The following MAP2K5 variants were observed in gnomAD, a reference collection of about 807,000 sequenced individuals.
The protein encoded by MAP2K5 is mitogen-activated protein kinase kinase 5.
In MAP2K5, 49 loss-of-function variants were observed where a neutral mutation model predicts 83.1. That is an observed-to-expected ratio of 0.59 (90% CI 0.47 to 0.75). MAP2K5 has a LOEUF of 0.75. Among genes scored for constraint, MAP2K5 ranks in the 30% least tolerant of loss-of-function variants. MAP2K5 has a pLI of 0.00. For synonymous variants in MAP2K5, 202 were observed against 191.8 expected (o/e 1.05, Z -0.44); for missense variants, 457 against 557.5 (o/e 0.82, Z 1.82).
chr15:67,559,237 T>A lies in MAP2K5; in HGVS notation c.185-4046T>A, dbSNP rs949678744. Among the ~76,000 whole-genome samples the A allele has an allele frequency of 6.6e-6, 1 of 152,210 alleles. No individual in the cohort carries two copies. Among genetic ancestry groups the A allele is most frequent in the Non-Finnish European group, 1.5e-5 (1 of 68,038 alleles). ...CAGAAGGAGTGTGACAAATGACATA[T>A]AATATATTGCCTTAACTTTCTGTAG... is the stretch of plus-strand genomic sequence containing the variant. On this transcript the variant is annotated intron_variant, in intron 2 of 21. Coordinates refer to ENST00000178640, the MANE Select transcript of MAP2K5 (RefSeq NM_145160.3). This position sits in a 1 kb window ranked among gnomAD's most constrained non-coding sequence, Gnocchi z 4.7.
At position 67,543,309 on chromosome 15, in the gene MAP2K5, C is replaced by T. The variant is rs748346317; in HGVS notation, c.-27C>T. 1.3e-5 allele frequency: 21 copies of T among 1,614,010 alleles called. No homozygotes were observed. In the East Asian group the frequency reaches 4.0e-4, roughly 31 times the overall value. Reference sequence around the variant, plus strand: ...CAGCGGCCAGTGGGTTTCCCATACCCCAGGATGTGAGCCTCTTTAACCTGT... The same window carrying T: ...CAGCGGCCAGTGGGTTTCCCATACCTCAGGATGTGAGCCTCTTTAACCTGT... On this transcript the variant is annotated 5_prime_UTR_variant, in exon 1 of 22. Coordinates refer to ENST00000178640, the MANE Select transcript of MAP2K5 (RefSeq NM_145160.3). This position sits in a 1 kb window ranked among gnomAD's most constrained non-coding sequence, Gnocchi z 4.3.
At chr15:67,564,644 C>T (rs1421149133) in intron 3 of MAP2K5, among the ~76,000 whole-genome samples, 1 of 152,142 alleles carries the variant, frequency 6.6e-6, no homozygotes, top group Non-Finnish European at 1.5e-5. Context: ...TCTTTGTGTA[C>T]TGAGAATTTA....
In MAP2K5 at chr15:67,758,939, A is replaced by G. The variant is rs2089895312; in HGVS notation, c.1134+10338A>G. ...AAGAAGACAACTTAGCATTGCAGAC[A>G]TGCTCAAAGGGCATACGTGTTTTGC... On this transcript the variant is annotated intron_variant, in intron 19 of 21. Coordinates refer to ENST00000178640, the MANE Select transcript of MAP2K5 (RefSeq NM_145160.3). The surrounding 1 kb of genome is among the most constrained non-coding windows in gnomAD (Gnocchi z 4.7). 6.6e-6 allele frequency among the ~76,000 whole-genome samples: 1 copy of G among 152,234 alleles called. No individual in the cohort carries two copies. The highest frequency in any genetic ancestry group is 2.4e-5 in the African/African-American group (1 of 41,458).
At chr15:67,595,982 T>A (rs1028604617) in intron 7 of MAP2K5, among the ~76,000 whole-genome samples, 1 of 151,998 alleles carries the variant, frequency 6.6e-6, no homozygotes, top group African/African-American at 2.4e-5. Flanking sequence ...TTTTCTTTTT[T>A]TTTTTTTGTT....
chr15:67,633,988 T>G (rs1250099979), intron 9 of MAP2K5, among the ~76,000 whole-genome samples: 1 of 152,172 alleles, frequency 6.6e-6, no homozygotes. Context: ...ACACCCTTCC[T>G]ATAACTTAAA....
At chr15:67,766,087 C>CT (rs1322520153) in intron 19 of MAP2K5, among the ~76,000 whole-genome samples, 2 of 152,170 alleles carry the variant, frequency 1.3e-5, no homozygotes, top group African/African-American at 4.8e-5. Flanking sequence ...TTACTGAAAC[C>CT]TCTGAGGCTT....
chr15:67,596,511 T>C (rs948456036), intron 7 of MAP2K5, among the ~76,000 whole-genome samples: 3 of 151,202 alleles, frequency 2.0e-5, no homozygotes, highest in Admixed American at 6.6e-5. Flanking sequence ...GTTTAAAAAC[T>C]GTATCATTAC....
At position 67,577,566 on chromosome 15, in the gene MAP2K5, G is replaced by A. The variant is rs1458104744; in HGVS notation, c.253-3188G>A. ...AAAGTTTAGGGGTGTTTTTTTGGTCGTTGCTGTTTGTTTCTTTGTTTTTTT... is the reference window on the plus strand; with the variant it reads ...AAAGTTTAGGGGTGTTTTTTTGGTCATTGCTGTTTGTTTCTTTGTTTTTTT... On this transcript the variant is annotated intron_variant, in intron 3 of 21. Coordinates refer to ENST00000178640, the MANE Select transcript of MAP2K5 (RefSeq NM_145160.3). This position sits in a 1 kb window ranked among gnomAD's most constrained non-coding sequence, Gnocchi z 4.1. Among the ~76,000 whole-genome samples, 1 of 152,054 alleles carries A rather than the reference G, an allele frequency of 6.6e-6. No homozygotes were observed. The highest frequency in any genetic ancestry group is 2.1e-4 in the South Asian group (1 of 4,828).
intron 17 of MAP2K5, among the ~76,000 whole-genome samples, chr15:67,735,302 A>G (rs1429043760): frequency 1.3e-5 from 2 of 152,248 alleles, no homozygotes; most frequent in Admixed American, 6.5e-5. Context: ...GAAATTCTTC[A>G]TTAAAGATAA....
chr15:67,706,547 G>C (rs746976568), intron 16 of MAP2K5, among the ~76,000 whole-genome samples: 1 of 152,064 alleles, frequency 6.6e-6, no homozygotes, highest in East Asian at 1.9e-4. Context: ...GTAAGGAGCC[G>C]GGTGTTACAG....
chr15:67,734,773 G>C (rs141918877), intron 17 of MAP2K5, among the ~76,000 whole-genome samples: 2 of 152,104 alleles, frequency 1.3e-5, no homozygotes, highest in African/African-American at 4.8e-5. Context: ...TTGAAGTTTG[G>C]AACATGAAGG....
At chr15:67,602,845 G>A (rs1397756509) in intron 8 of MAP2K5, among the ~76,000 whole-genome samples, 9 of 152,088 alleles carry the variant, frequency 5.9e-5, no homozygotes, top group Non-Finnish European at 1.2e-4. Flanking sequence ...GTAGAGATGG[G>A]GTTTCACTAT....
chr15:67,680,271 A>G (rs80029644), intron 13 of MAP2K5, among the ~76,000 whole-genome samples: 2 of 152,208 alleles, frequency 1.3e-5, no homozygotes, highest in Non-Finnish European at 2.9e-5. Flanking sequence ...ATTATGAATA[A>G]TACTACTTTT....
intron 13 of MAP2K5, among the ~76,000 whole-genome samples, chr15:67,686,765 T>C (rs1345960634): frequency 1.3e-5 from 2 of 152,160 alleles, no homozygotes; most frequent in East Asian, 3.8e-4. Context: ...TTTTAAACTT[T>C]TACACAGCAA....
At chr15:67,784,201 CAGAG>C (rs986439272) in intron 21 of MAP2K5, among the ~76,000 whole-genome samples, 93 of 152,282 alleles carry the variant, frequency 6.1e-4, no homozygotes, top group African/African-American at 2.2e-3. Context: ...AACTGGGTCT[CAGAG>C]AGGTTAATTT....
chr15:67,799,117 C>T (rs907772257), intron 21 of MAP2K5, among the ~76,000 whole-genome samples: 3 of 152,176 alleles, frequency 2.0e-5, no homozygotes, highest in African/African-American at 4.8e-5. Flanking sequence ...TGCAGTGAGC[C>T]GAGATCGCGC....
chr15:67,642,763 G>A (rs2086741954), intron 9 of MAP2K5, among the ~76,000 whole-genome samples: 1 of 152,148 alleles, frequency 6.6e-6, no homozygotes, highest in Admixed American at 6.5e-5. Flanking sequence ...TTCCTTGAAT[G>A]TCATGCTAGA....
intron 8 of MAP2K5, among the ~76,000 whole-genome samples, chr15:67,602,998 A>G (rs540313625): frequency 2.0e-5 from 3 of 152,336 alleles, no homozygotes; most frequent in Admixed American, 6.5e-5. Flanking sequence ...TGGAAAAAAC[A>G]TGCCCATCCC....
In MAP2K5 at chr15:67,652,761, G is replaced by A. The variant is rs1014910503; in HGVS notation, c.737-5792G>A. 1.3e-5 allele frequency among the ~76,000 whole-genome samples: 2 copies of A among 152,098 alleles called. No homozygotes were observed. The highest frequency in any genetic ancestry group is 1.3e-4 in the Admixed American group (2 of 15,258). ...AGAACTCTTTTTGTCTTGCAAAACT[G>A]AAACTCTATACCTATTAAATAAGAA... On this transcript the variant is annotated intron_variant, in intron 11 of 21. Transcript: ENST00000178640. This position sits in a 1 kb window ranked among gnomAD's most constrained non-coding sequence, Gnocchi z 4.2.
Sources: gnomAD v4.1 joint callset for allele counts (sites outside exome capture counted in the v4.1 genomes callset) on GRCh38, gnomAD v4.1.1 for gene constraint, Gnocchi (gnomAD v3.1) non-coding constraint, MANE v1.5 for transcripts, NCBI Gene and HGNC (gene_info 2026-07-23, HGNC 2026-07-21) for gene names.